The following ARHGAP9 variants were observed in gnomAD, a reference collection of about 807,000 sequenced individuals.
ARHGAP9 encodes rho GTPase-activating protein 9.
A neutral mutation model predicts 87.3 loss-of-function variants in ARHGAP9; 76 were observed. The observed-to-expected ratio is 0.87, with a 90% CI of 0.72 to 1.05. The LOEUF (loss-of-function observed/expected upper bound fraction) is 1.05, where lower values mean the gene tolerates loss of function less well. Ranked by LOEUF, ARHGAP9 falls within the 50% of genes least tolerant of loss-of-function variation. The pLI is 0.00. For missense variants in ARHGAP9, 941 were observed against 960.5 expected (o/e 0.98, Z 0.27); for synonymous variants, 382 against 394.9 (o/e 0.97, Z 0.39).
chr12:57,478,018 T>C, intron 3 of ARHGAP9: 3 of 1,112,600 alleles, frequency 2.7e-6, no homozygotes, highest in Non-Finnish European at 3.4e-6. Flanking sequence ...TCCTGCAAGG[T>C]AAAAGAAGAC....
rs759337290 is a variant in ARHGAP9, at chr12:57,472,522, G to C, written c.2191C>G (p.Pro731Ala). The C allele has an allele frequency of 6.2e-7, 1 of 1,614,102 alleles. No homozygotes were observed. The highest frequency in any genetic ancestry group is 1.7e-5 in the Admixed American group (1 of 60,014). ...TCTCTTCTTCCTTCCCTGCATCAGGGGAAGAGGCTGGTGAAGTTGGTGAGC... is the reference window on the plus strand; with the variant it reads ...TCTCTTCTTCCTTCCCTGCATCAGGCGAAGAGGCTGGTGAAGTTGGTGAGC... Reference protein sequence around the residue: ...LMLTNFTSLFP With the variant: ...LMLTNFTSLFA The change falls in exon 18 of 18, where the codon CCC becomes GCC. Residue 731 changes from proline to alanine, a missense_variant. Pro to Ala is a conservative substitution (Grantham distance 27). Transcript: ENST00000393791.
At chr12:57,479,889 C>T, upstream of ARHGAP9, 1 of 1,452,430 alleles carries the variant, frequency 6.9e-7, no homozygotes, top group Non-Finnish European at 9.1e-7. Flanking sequence ...GTGTGTTATT[C>T]TTTATTAAAT....
At position 57,472,636 on chromosome 12, in the gene ARHGAP9, C is replaced by T; in HGVS notation, c.2077G>A (p.Val693Met). 1 of 1,614,248 alleles carries T rather than the reference C, an allele frequency of 6.2e-7. No homozygotes were observed. The highest frequency in any genetic ancestry group is 1.7e-5 in the Admixed American group (1 of 60,026). Residue 693 changes from valine to methionine, a missense_variant, in exon 18 of 18, where the codon GTG becomes ATG. By Grantham distance (21) the Val-to-Met change is conservative. Transcript: ENST00000393791. ...GGCCGAAACAGGGTTGGTCCAAACACAATTCCCAGGTTGTGGGGTGTCATG... is the reference window on the plus strand; with the variant it reads ...GGCCGAAACAGGGTTGGTCCAAACATAATTCCCAGGTTGTGGGGTGTCATG... ...NRMTPHNLGI[V>M]FGPTLFRPEQ...
At position 57,475,365 on chromosome 12, in the gene ARHGAP9, A is replaced by G. The variant is rs752779637; in HGVS notation, c.1478T>C (p.Val493Ala). Residue 493 changes from valine (V) to alanine (A), a missense_variant, in exon 12 of 18, where the codon GTG becomes GCG. Physicochemically the swap from Val to Ala is moderately conservative, Grantham distance 64. Coordinates refer to ENST00000393791, the MANE Select transcript of ARHGAP9 (RefSeq NM_032496.4). ...RGPEGTEQNR[V>A]RNKLKRLIAK... ...GATGAGCCGCTTTAGTTTGTTGCGC[A>G]CGCGGTTCTGCTCGGTGCCTTCGGG... The G allele has an allele frequency of 3.7e-6, 6 of 1,602,076 alleles. No homozygotes were observed. The highest frequency in any genetic ancestry group is 5.1e-6 in the Non-Finnish European group (6 of 1,174,254).
rs536589506 is a variant in ARHGAP9 at position 57,478,963 on chromosome 12, A to G, written c.316+128T>C. 2.0e-4 allele frequency: 260 copies of G among 1,313,302 alleles called. No homozygotes were observed. In the Admixed American group the frequency reaches 5.6e-3, roughly 28 times the overall value. 81.4% of individuals were successfully genotyped at this position (1,313,302 alleles called of 1,614,324 possible). A position where few individuals can be genotyped will look rare whatever the true frequency, so the allele number is the denominator to read the frequency against. ...GGGGCAAGAGGTAGGCTGATCAAAG[A>G]AAAACAAGAGAAGATGGTTAGCAGA... On this transcript the variant is annotated intron_variant, in intron 2 of 17. Coordinates refer to ENST00000393791, the MANE Select transcript of ARHGAP9 (RefSeq NM_032496.4).
intron 1 of ARHGAP9, chr12:57,488,154 G>T (rs1565635678): frequency 6.2e-7 from 1 of 1,614,176 alleles, no homozygotes; most frequent in Admixed American, 1.7e-5. Flanking sequence ...CGCCGGGAGA[G>T]CCCGGGGCAG....
chr12:57,481,306 G>A (rs749157296), upstream of ARHGAP9, among the ~76,000 whole-genome samples: 4 of 151,542 alleles, frequency 2.6e-5, no homozygotes, highest in South Asian at 2.1e-4. Context: ...GCTGGAGTGC[G>A]GTGGCACAAT....
intron 1 of ARHGAP9, chr12:57,487,968 C>T: frequency 1.3e-6 from 1 of 752,146 alleles, no homozygotes; most frequent in Non-Finnish European, 2.4e-6. Context: ...GTCTACTTTC[C>T]GGTAGCGGTG....
intron 1 of ARHGAP9, chr12:57,488,213 T>C: frequency 6.2e-7 from 1 of 1,603,758 alleles, no homozygotes; most frequent in African/African-American, 1.3e-5. Flanking sequence ...CTCGTGCTGG[T>C]GCTGGTGGGC....
intron 1 of ARHGAP9, among the ~76,000 whole-genome samples, chr12:57,486,832 G>A (rs1478654240): frequency 1.4e-5 from 2 of 146,620 alleles, no homozygotes; most frequent in Admixed American, 1.3e-4. Context: ...GTTGCAGTGA[G>A]CCGAGATCGC....
At chr12:57,480,779 T>C (rs1442494627), upstream of ARHGAP9, 5 of 1,550,366 alleles carry the variant, frequency 3.2e-6, no homozygotes, top group African/African-American at 4.1e-5. Context: ...CTGCCTTACC[T>C]GGCCACTCCT....
upstream of ARHGAP9, among the ~76,000 whole-genome samples, chr12:57,480,327 G>GC (rs1220478014): frequency 6.6e-6 from 1 of 152,056 alleles, no homozygotes; most frequent in Non-Finnish European, 1.5e-5. Flanking sequence ...GATTACAGGT[G>GC]CCTGTCACCA....
In ARHGAP9 at chr12:57,478,340, C is replaced by T. The variant is rs1376507060; in HGVS notation, c.534+200G>A. 1.5e-5 allele frequency: 9 copies of T among 607,224 alleles called. 1 individual carries two copies. Among genetic ancestry groups the T allele is most frequent in the South Asian group, 4.1e-5 (2 of 48,546 alleles). 37.6% of individuals were successfully genotyped at this position (607,224 alleles called of 1,614,324 possible). Reference sequence around the variant, plus strand: ...TCCTTGCTCAGAGTCAACTGAATGCCGTGACCTCACAGATGTCTCCCCGCA... The same window carrying T: ...TCCTTGCTCAGAGTCAACTGAATGCTGTGACCTCACAGATGTCTCCCCGCA... On this transcript the variant is annotated intron_variant, in intron 3 of 17. Coordinates refer to ENST00000393791, the MANE Select transcript of ARHGAP9 (RefSeq NM_032496.4).
In ARHGAP9 at chr12:57,475,514, C is replaced by T. The variant is rs908626658; in HGVS notation, c.1413G>A (p.Pro471=). 2.9e-5 allele frequency: 47 copies of T among 1,604,576 alleles called. No individual in the cohort carries two copies. Among genetic ancestry groups the T allele is most frequent in the Non-Finnish European group, 3.7e-5 (44 of 1,176,704 alleles). Residue 471 remains proline, a synonymous_variant, in exon 11 of 18, where the codon CCG becomes CCA. Coordinates refer to ENST00000393791, the MANE Select transcript of ARHGAP9 (RefSeq NM_032496.4). The stretch of plus-strand genomic sequence containing the variant: ...TCCGGCGGCTGCTGAGGCGCAGCAG[C>T]GGCTTGGACACCAGCTCCGACTCCT... ...EEEESELVSK[P]LLRLSSRRSS...
chr12:57,486,693 G>A (rs937390380), intron 1 of ARHGAP9, among the ~76,000 whole-genome samples: 25 of 149,434 alleles, frequency 1.7e-4, no homozygotes, highest in Non-Finnish European at 1.0e-4. Flanking sequence ...AGACCATCCT[G>A]GCTAACACGG....
intron 7 of ARHGAP9, 25 bp from the exon 8 acceptor site, chr12:57,476,479 G>A: frequency 1.2e-6 from 2 of 1,613,680 alleles, no homozygotes; most frequent in Non-Finnish European, 1.7e-6. Flanking sequence ...AGGGGAGGTA[G>A]TGGTAGCGAA....
At position 57,476,133 on chromosome 12, in the gene ARHGAP9, C is replaced by T; in HGVS notation, c.1150G>A (p.Asp384Asn). 6.5e-7 allele frequency: 1 copy of T among 1,543,588 alleles called. No individual in the cohort carries two copies. Among genetic ancestry groups the T allele is most frequent in the Non-Finnish European group, 8.7e-7 (1 of 1,144,182 alleles). ...TGCGCCAGGGCCGCCCCGCGCAGGTCCACGCTACTTTCGGGCCGGCTACCC... is the reference window on the plus strand; with the variant it reads ...TGCGCCAGGGCCGCCCCGCGCAGGTTCACGCTACTTTCGGGCCGGCTACCC... ...PAGSRPESSV[D>N]LRGAALAHGR... Residue 384 changes from aspartate (D) to asparagine (N), a missense_variant, in exon 9 of 18, where the codon GAC becomes AAC. By Grantham distance (23) the Asp-to-Asn change is conservative. Transcript: ENST00000393791.
intron 1 of ARHGAP9, among the ~76,000 whole-genome samples, chr12:57,484,956 T>A (rs375639425): frequency 1.7e-4 from 25 of 150,486 alleles, no homozygotes; most frequent in African/African-American, 5.9e-4. Flanking sequence ...TATTTATTTA[T>A]TTTTTTTGAG....
intron 2 of ARHGAP9, 135 bp from the exon 3 acceptor site, chr12:57,478,892 G>T: frequency 9.1e-7 from 1 of 1,094,166 alleles, no homozygotes; most frequent in Non-Finnish European, 1.3e-6. Flanking sequence ...AGACCTAGAA[G>T]CCTTAGGACT....
Sources: gnomAD v4.1 joint callset for allele counts (sites outside exome capture counted in the v4.1 genomes callset) on GRCh38, gnomAD v4.1.1 for gene constraint, MANE v1.5 for transcripts, NCBI Gene and HGNC (gene_info 2026-07-23, HGNC 2026-07-21) for gene names.